The following WWOX variants were observed in gnomAD, a reference collection of about 807,000 sequenced individuals.
The protein encoded by WWOX is WW domain containing oxidoreductase, also known as WW domain-containing oxidoreductase.
A neutral mutation model predicts 46.2 loss-of-function variants in WWOX; 69 were observed. The ratio of observed to expected loss-of-function variants is 1.49; its 90% CI spans 1.23 to 1.82. The LOEUF is 1.82. Among genes scored for constraint, WWOX ranks in the 40% most tolerant of loss-of-function variants. WWOX has a pLI of 0.00. For missense variants in WWOX, 919 were observed against 542.6 expected, an observed-to-expected ratio of 1.69 and a Z score of -6.89; for synonymous variants, 359 against 202.6, an observed-to-expected ratio of 1.77 and a Z score of -6.56.
At chr16:78,419,635 A>C (rs1312723292) in intron 6 of WWOX, among the ~76,000 whole-genome samples, 13 of 146,432 alleles carry the variant, frequency 8.9e-5, no homozygotes, top group African/African-American at 3.3e-4. Context: ...CAAAAAAAAA[A>C]AAAAAAAAAA....
chr16:78,623,362 G>T (rs977869014), intron 8 of WWOX, among the ~76,000 whole-genome samples: 4 of 152,088 alleles, frequency 2.6e-5, no homozygotes, highest in African/African-American at 7.2e-5. Flanking sequence ...AGGAGAGATG[G>T]GAATTTGATG....
intron 8 of WWOX, among the ~76,000 whole-genome samples, chr16:78,738,239 G>A (rs1191856729): frequency 6.6e-6 from 1 of 152,208 alleles, no homozygotes; most frequent in Non-Finnish European, 1.5e-5. Context: ...AGCTGCTGGA[G>A]TTGAGTAGAT....
At chr16:78,222,289 A>C (rs977973695) in intron 5 of WWOX, among the ~76,000 whole-genome samples, 1 of 150,802 alleles carries the variant, frequency 6.6e-6, no homozygotes, top group Non-Finnish European at 1.5e-5. Flanking sequence ...TTCAGGGCCA[A>C]GGGCCCAGCT....
chr16:79,101,554 GAATTTGCTTCTTATCTAGCATCCCTGGT>G (rs971113220), intron 8 of WWOX: 2 of 152,094 alleles, frequency 1.3e-5, no homozygotes, highest in Non-Finnish European at 2.9e-5. Context: ...TGGGTCCTGG[GAATTTGCTTCTTATCTAGCATCCCTGGT>G]GAATCTTTTC....
chr16:78,514,151 G>GA (rs2085431873), intron 8 of WWOX, among the ~76,000 whole-genome samples: 1 of 152,134 alleles, frequency 6.6e-6, no homozygotes, highest in African/African-American at 2.4e-5. Context: ...TCAGACGTCA[G>GA]AAAAAAACTT....
chr16:78,933,430 C>T (rs1400020475), intron 8 of WWOX, among the ~76,000 whole-genome samples: 1 of 152,020 alleles, frequency 6.6e-6, no homozygotes, highest in African/African-American at 2.4e-5. Context: ...CAGAGGGAGA[C>T]TCCGTCTCAA....
rs79223031 is a variant in WWOX, at chr16:78,565,551, A to C, written c.1056+132799A>C. On this transcript the variant is annotated intron_variant, in intron 8 of 8. Transcript: ENST00000566780. ...CTCTTATAAGGACCCTTTTGATTTCATTGGGAATACCCAGATAATCTTGGA... is the reference window on the plus strand; with the variant it reads ...CTCTTATAAGGACCCTTTTGATTTCCTTGGGAATACCCAGATAATCTTGGA... Among the ~76,000 whole-genome samples, 51 of 152,230 alleles carry C rather than the reference A, an allele frequency of 3.4e-4. 1 individual carries two copies. Among genetic ancestry groups the C allele is most frequent in the African/African-American group, 1.2e-3 (49 of 41,544 alleles).
intron 8 of WWOX, among the ~76,000 whole-genome samples, chr16:79,139,046 T>C (rs570996490): frequency 6.6e-6 from 1 of 152,286 alleles, no homozygotes; most frequent in Admixed American, 6.5e-5. Context: ...TGAACGAAGA[T>C]AGATGGTCCC....
At chr16:79,154,983 G>A (rs987854551) in intron 8 of WWOX, among the ~76,000 whole-genome samples, 2 of 152,228 alleles carry the variant, frequency 1.3e-5, no homozygotes, top group African/African-American at 4.8e-5. Context: ...TTAGGGTCAT[G>A]ATGTCATGCT....
chr16:78,286,735 C>T (rs537157153), intron 5 of WWOX, among the ~76,000 whole-genome samples: 102 of 152,172 alleles, frequency 6.7e-4, no homozygotes, highest in African/African-American at 2.4e-3. Flanking sequence ...CCACAAACAG[C>T]TTCTTCTTCA....
At chr16:79,184,334 C>G (rs995900818) in intron 8 of WWOX, among the ~76,000 whole-genome samples, 131 of 152,290 alleles carry the variant, frequency 8.6e-4, no homozygotes, top group African/African-American at 2.9e-3. Context: ...CTTTTGAACA[C>G]CCATCACTGT....
At chr16:78,734,609 G>GATT (rs1368255890) in intron 8 of WWOX, among the ~76,000 whole-genome samples, 3 of 151,996 alleles carry the variant, frequency 2.0e-5, no homozygotes, top group African/African-American at 7.2e-5. Flanking sequence ...GTTTCAACTT[G>GATT]ATTAGGTCCC....
At chr16:78,347,130 G>C (rs1347377357) in intron 5 of WWOX, among the ~76,000 whole-genome samples, 1 of 118,956 alleles carries the variant, frequency 8.4e-6, no homozygotes, top group South Asian at 2.6e-4. Flanking sequence ...CAGGTGTGCA[G>C]TCATCGTCAC....
At chr16:78,534,128 C>T (rs1038772148) in intron 8 of WWOX, among the ~76,000 whole-genome samples, 9 of 152,010 alleles carry the variant, frequency 5.9e-5, no homozygotes, top group Non-Finnish European at 1.2e-4. Flanking sequence ...TTATTAATAG[C>T]GCTATCTGGC....
intron 8 of WWOX, among the ~76,000 whole-genome samples, chr16:78,439,564 G>A (rs7193816): frequency 0.15 from 22,982 of 152,178 alleles, 1,895 homozygotes; most frequent in South Asian, 0.27. Context: ...TTGGAAAAGG[G>A]CAAAGGATTT....
At chr16:78,662,277 A>T (rs1207503172) in intron 8 of WWOX, among the ~76,000 whole-genome samples, 2 of 152,204 alleles carry the variant, frequency 1.3e-5, no homozygotes, top group Non-Finnish European at 2.9e-5. Context: ...TTTTAGTCAG[A>T]GGCAAGGCAA....
intron 6 of WWOX, among the ~76,000 whole-genome samples, chr16:78,397,654 A>G (rs1044226470): frequency 3.9e-5 from 6 of 152,230 alleles, no homozygotes; most frequent in African/African-American, 1.4e-4. Context: ...CATGAGTAAA[A>G]TAGATGATGG....
intron 8 of WWOX, among the ~76,000 whole-genome samples, chr16:78,941,015 CTTT>C (rs757255399): frequency 6.6e-6 from 1 of 151,784 alleles, no homozygotes; most frequent in Non-Finnish European, 1.5e-5. Flanking sequence ...GTATATATCA[CTTT>C]TCCCTTGTTA....
At chr16:78,968,368 T>A (rs1445407025) in intron 8 of WWOX, among the ~76,000 whole-genome samples, 1 of 152,158 alleles carries the variant, frequency 6.6e-6, no homozygotes, top group African/African-American at 2.4e-5. Flanking sequence ...GGCCATTTTG[T>A]GTAGATGGAG....
Sources: gnomAD v4.1 joint callset for allele counts (sites outside exome capture counted in the v4.1 genomes callset) on GRCh38, gnomAD v4.1.1 for gene constraint, MANE v1.5 for transcripts, NCBI Gene and HGNC (gene_info 2026-07-23, HGNC 2026-07-21) for gene names.